ADGB: variants seen among roughly 807,000 people sequenced by gnomAD.
ADGB encodes calpain-7-like protein.
In ADGB, 172 loss-of-function variants were observed where a neutral mutation model predicts 210.5. That is an observed-to-expected ratio of 0.82 (90% CI 0.72 to 0.93). The LOEUF is 0.93. Among genes scored for constraint, ADGB ranks in the 40% least tolerant of loss-of-function variants. ADGB has a pLI of 0.00. For missense variants in ADGB, 2,025 were observed against 1,964.8 expected (o/e 1.03, Z -0.58); for synonymous variants, 658 against 662.7 (o/e 0.99, Z 0.11).
intron 9 of ADGB, among the ~76,000 whole-genome samples, chr6:146,678,453 C>G (rs1776113156): frequency 6.6e-6 from 1 of 152,162 alleles, no homozygotes; most frequent in Non-Finnish European, 1.5e-5. Context: ...TCTCAAACTC[C>G]TGACCTCAAG....
At chr6:146,696,501 A>G (rs1354222706) in intron 12 of ADGB, among the ~76,000 whole-genome samples, 1 of 149,452 alleles carries the variant, frequency 6.7e-6, no homozygotes, top group African/African-American at 2.6e-5. Flanking sequence ...ATATTTAAAT[A>G]AAGTATTGAG....
intron 27 of ADGB, among the ~76,000 whole-genome samples, chr6:146,753,669 A>G (rs1777359533): frequency 6.6e-6 from 1 of 151,902 alleles, no homozygotes; most frequent in Non-Finnish European, 1.5e-5. Context: ...GTTGTTGTTT[A>G]TAGAAATCAT....
At chr6:146,654,748 GTTA>G (rs1450535785) in intron 4 of ADGB, among the ~76,000 whole-genome samples, 3 of 152,044 alleles carry the variant, frequency 2.0e-5, no homozygotes, top group East Asian at 1.9e-4. Flanking sequence ...CATCAACTCA[GTTA>G]TTATTGTGTC....
At chr6:146,728,057 C>G (rs539021366) in intron 19 of ADGB, among the ~76,000 whole-genome samples, 1 of 152,152 alleles carries the variant, frequency 6.6e-6, no homozygotes, top group South Asian at 2.1e-4. Context: ...CACCGTACAC[C>G]AACCACAACA....
chr6:146,652,348 C>G (rs892751517), intron 3 of ADGB, among the ~76,000 whole-genome samples: 12 of 152,088 alleles, frequency 7.9e-5, no homozygotes, highest in Admixed American at 6.5e-4. Context: ...CCAGAAGAAA[C>G]TATGTTTATA....
intron 7 of ADGB, 73 bp downstream of exon 7, chr6:146,666,975 C>T (rs1775944822): frequency 8.1e-7 from 1 of 1,240,612 alleles, no homozygotes; most frequent in African/African-American, 1.5e-5. Context: ...TATTCCTAGC[C>T]TTTAAGAAAA....
rs551354142 is a variant in ADGB at position 146,609,794 on chromosome 6, G to A, written c.74+10680G>A. ...GGCCTCCAATTTCTTCTGGTTATAG[G>A]GTTTCTCCTGAAAGATCTGCTGTTA... On this transcript the variant is annotated intron_variant, in intron 1 of 35. Transcript: ENST00000397944. 3.9e-5 allele frequency among the ~76,000 whole-genome samples: 6 copies of A among 152,194 alleles called. No individual in the cohort carries two copies. The South Asian group carries it at 1.2e-3, about 32-fold the overall frequency.
intron 1 of ADGB, among the ~76,000 whole-genome samples, chr6:146,630,034 T>C (rs1419454305): frequency 1.3e-5 from 2 of 152,038 alleles, no homozygotes; most frequent in Admixed American, 6.6e-5. Context: ...GTCAGGAATT[T>C]GAGGCCAGCC....
intron 17 of ADGB, among the ~76,000 whole-genome samples, chr6:146,722,193 T>C (rs1316749447): frequency 6.6e-6 from 1 of 152,148 alleles, no homozygotes; most frequent in African/African-American, 2.4e-5. Flanking sequence ...ACTTTCATGG[T>C]TACCTTGTAG....
At chr6:146,762,893 A>AG (rs1777515673) in intron 27 of ADGB, among the ~76,000 whole-genome samples, 1 of 152,168 alleles carries the variant, frequency 6.6e-6, no homozygotes, top group African/African-American at 2.4e-5. Flanking sequence ...ACAGCCCCCC[A>AG]GTAGTTATTG....
intron 1 of ADGB, among the ~76,000 whole-genome samples, chr6:146,634,219 G>A (rs1775361917): frequency 6.6e-6 from 1 of 152,080 alleles, no homozygotes; most frequent in Non-Finnish European, 1.5e-5. Context: ...TAGCTGTGTT[G>A]CAGGCTATAC....
chr6:146,616,073 T>C (rs1042828982), intron 1 of ADGB, among the ~76,000 whole-genome samples: 1 of 152,124 alleles, frequency 6.6e-6, no homozygotes, highest in African/African-American at 2.4e-5. Flanking sequence ...TTGCCAGCAT[T>C]TGTTATTTTT....
intron 11 of ADGB, among the ~76,000 whole-genome samples, chr6:146,691,496 A>AT (rs1228357224): frequency 6.7e-4 from 11 of 16,488 alleles, no homozygotes; most frequent in Middle Eastern, 0.016. Context: ...ATATATATAT[A>AT]TATATTTTTT....
chr6:146,663,599 G>T (rs1036760209), intron 5 of ADGB, among the ~76,000 whole-genome samples: 3 of 151,960 alleles, frequency 2.0e-5, no homozygotes, highest in African/African-American at 7.2e-5. Flanking sequence ...ATAGACACAT[G>T]CACGCAAACG....
chr6:146,787,833 G>A (rs1308943340), intron 32 of ADGB, among the ~76,000 whole-genome samples: 1 of 152,094 alleles, frequency 6.6e-6, no homozygotes, highest in Non-Finnish European at 1.5e-5. Context: ...GGAAAATAAT[G>A]TCTCTATATA....
rs377248543 is a variant in ADGB, at chr6:146,605,680, G to A, written c.74+6566G>A. ...CCTGTCATAGTCATCTGCAGCACCC[G>A]GGACAACACTTGGCACAGATTTGGA... is the stretch of plus-strand genomic sequence containing the variant. On this transcript the variant is annotated intron_variant, in intron 1 of 35. Coordinates refer to ENST00000397944, the MANE Select transcript of ADGB (RefSeq NM_024694.4). Among the ~76,000 whole-genome samples the A allele has an allele frequency of 5.3e-5, 8 of 152,228 alleles. No individual in the cohort carries two copies. In the East Asian group the frequency reaches 1.2e-3, roughly 22 times the overall value.
At chr6:146,735,448 A>G (rs1417246675) in intron 22 of ADGB, among the ~76,000 whole-genome samples, 1 of 152,258 alleles carries the variant, frequency 6.6e-6, no homozygotes, top group South Asian at 2.1e-4. Flanking sequence ...TCATCTTTTT[A>G]TCAGGAAGCC....
intron 16 of ADGB, among the ~76,000 whole-genome samples, chr6:146,719,384 T>C (rs182670140): frequency 2.0e-5 from 3 of 152,318 alleles, no homozygotes; most frequent in Admixed American, 2.0e-4. Flanking sequence ...TTTTTTCTTT[T>C]AAAAGTCTCA....
chr6:146,791,197 G>A (rs1777949513), intron 33 of ADGB, among the ~76,000 whole-genome samples: 1 of 152,136 alleles, frequency 6.6e-6, no homozygotes, highest in African/African-American at 2.4e-5. Context: ...GTTTGGTACA[G>A]TCCCACTTGT....
Sources: gnomAD v4.1 joint callset for allele counts (sites outside exome capture counted in the v4.1 genomes callset) on GRCh38, gnomAD v4.1.1 for gene constraint, MANE v1.5 for transcripts, NCBI Gene and HGNC (gene_info 2026-07-23, HGNC 2026-07-21) for gene names.